Variants in IL1RAP observed in about 807,000 individuals in gnomAD.
IL1RAP encodes the protein interleukin 1 receptor accessory protein, also known as interleukin-1 receptor accessory protein.
A neutral mutation model predicts 60.7 loss-of-function variants in IL1RAP; 35 were observed. The ratio of observed to expected loss-of-function variants is 0.58; its 90% CI spans 0.44 to 0.76. The LOEUF (loss-of-function observed/expected upper bound fraction) is 0.76. IL1RAP is among the 30% of genes least tolerant of loss of function. IL1RAP has a pLI of 0.00. For missense variants in IL1RAP, 572 were observed against 693.9 expected, an observed-to-expected ratio of 0.82 and a Z score of 1.97; for synonymous variants, 268 against 250.9, an observed-to-expected ratio of 1.07 and a Z score of -0.64.
At chr3:190,523,739 G>T (rs182264994) in intron 1 of IL1RAP, among the ~76,000 whole-genome samples, 12 of 152,232 alleles carry the variant, frequency 7.9e-5, no homozygotes, top group Non-Finnish European at 1.6e-4. Flanking sequence ...CGGTGTATAT[G>T]TACCATATTT....
At chr3:190,564,478 C>T (rs1726194651) in intron 3 of IL1RAP, 125 bp downstream of exon 3, 1 of 704,136 alleles carries the variant, frequency 1.4e-6, no homozygotes, top group Admixed American at 2.1e-5. Flanking sequence ...TCTGCGGTAG[C>T]AAATAATCAT....
At chr3:190,609,245 C>A in intron 5 of IL1RAP, 64 bp downstream of exon 5, 1 of 1,141,002 alleles carries the variant, frequency 8.8e-7, no homozygotes, top group Non-Finnish European at 1.3e-6. Flanking sequence ...TGCTTATTTG[C>A]TGAGTTATAT....
intron 4 of IL1RAP, among the ~76,000 whole-genome samples, chr3:190,605,429 A>G (rs576021527): frequency 6.6e-6 from 1 of 152,230 alleles, no homozygotes; most frequent in East Asian, 1.9e-4. Flanking sequence ...TTATTTGGTT[A>G]CTTTTTACTC....
At chr3:190,555,530 C>A (rs1290012808) in intron 1 of IL1RAP, among the ~76,000 whole-genome samples, 1 of 152,168 alleles carries the variant, frequency 6.6e-6, no homozygotes, top group African/African-American at 2.4e-5. Context: ...TCAGGCATTG[C>A]ATTTAGTTCT....
chr3:190,587,694 T>C (rs1223397676), intron 3 of IL1RAP, among the ~76,000 whole-genome samples: 1 of 152,250 alleles, frequency 6.6e-6, no homozygotes, highest in East Asian at 1.9e-4. Context: ...GAGATGTTTG[T>C]CAACATGAAG....
chr3:190,609,211 C>T lies in IL1RAP; in HGVS notation c.537+30C>T, dbSNP rs752585826. On this transcript the variant is annotated intron_variant, in intron 5 of 11. Coordinates refer to ENST00000447382, the MANE Select transcript of IL1RAP (RefSeq NM_002182.4). ...GGAAAATTAGACTACATTTTATTCTCTCTAATGGCTTATAAAATGATAATG... is the reference window on the plus strand; with the variant it reads ...GGAAAATTAGACTACATTTTATTCTTTCTAATGGCTTATAAAATGATAATG... 16 of 1,426,928 alleles carry T rather than the reference C, an allele frequency of 1.1e-5. 1 individual carries two copies. The Admixed American group carries it at 2.9e-4, about 26-fold the overall frequency. The allele number at this position is 1,426,928 out of a possible 1,614,324, so 88.4% of individuals were successfully genotyped here. A position where few individuals can be genotyped will look rare whatever the true frequency, so the allele number is the denominator to read the frequency against.
intron 9 of IL1RAP, among the ~76,000 whole-genome samples, chr3:190,635,626 G>T (rs1466825841): frequency 3.3e-5 from 5 of 151,956 alleles, no homozygotes; most frequent in Non-Finnish European, 1.5e-5. Context: ...TTCAGTGTGT[G>T]TTTTTTAATT....
At chr3:190,604,582 A>G (rs1272067476) in intron 4 of IL1RAP, among the ~76,000 whole-genome samples, 169 bp downstream of exon 4, 1 of 152,130 alleles carries the variant, frequency 6.6e-6, no homozygotes, top group Non-Finnish European at 1.5e-5. Flanking sequence ...GTATGCAGAG[A>G]AATTGGTTGT....
intron 3 of IL1RAP, among the ~76,000 whole-genome samples, chr3:190,601,311 C>A (rs1360694724): frequency 6.6e-6 from 1 of 152,178 alleles, no homozygotes; most frequent in Non-Finnish European, 1.5e-5. Context: ...TTTATATAAA[C>A]TGAATAAGCG....
intron 3 of IL1RAP, among the ~76,000 whole-genome samples, chr3:190,564,964 A>G (rs1363190790): frequency 6.6e-6 from 1 of 152,106 alleles, no homozygotes. Context: ...ATCTTTTCAG[A>G]TCTCCTCTTC....
chr3:190,639,877 A>G (rs1733526960), intron 9 of IL1RAP, among the ~76,000 whole-genome samples: 1 of 152,190 alleles, frequency 6.6e-6, no homozygotes, highest in Admixed American at 6.5e-5. Flanking sequence ...TGAAGTCTCT[A>G]ATTAATACTG....
chr3:190,592,285 T>A (rs1172961225), intron 3 of IL1RAP, among the ~76,000 whole-genome samples: 1 of 152,202 alleles, frequency 6.6e-6, no homozygotes, highest in African/African-American at 2.4e-5. Context: ...CAGAATTCAT[T>A]ATGTGGGCTT....
intron 1 of IL1RAP, among the ~76,000 whole-genome samples, chr3:190,549,731 G>C (rs1334269334): frequency 2.6e-5 from 4 of 152,254 alleles, no homozygotes; most frequent in African/African-American, 9.6e-5. Context: ...AAGTCAACTG[G>C]TTTAAGGTTT....
intron 9 of IL1RAP, among the ~76,000 whole-genome samples, chr3:190,641,317 CA>C (rs1733648509): frequency 6.6e-6 from 1 of 152,114 alleles, no homozygotes; most frequent in African/African-American, 2.4e-5. Flanking sequence ...ATCTTTTTGT[CA>C]AAACACCTGA....
intron 3 of IL1RAP, among the ~76,000 whole-genome samples, chr3:190,570,465 GC>G (rs2108644837): frequency 6.6e-6 from 1 of 152,306 alleles, no homozygotes; most frequent in African/African-American, 2.4e-5. Flanking sequence ...GAAATAAATA[GC>G]ACTTTTCTGC....
In IL1RAP at chr3:190,617,412, A is replaced by G. The variant is rs150621492; in HGVS notation, c.538-2863A>G. Among the ~76,000 whole-genome samples the G allele has an allele frequency of 2.0e-3, 299 of 152,222 alleles. 2 individuals are homozygous for G. Among genetic ancestry groups the G allele is most frequent in the African/African-American group, 6.9e-3 (288 of 41,550 alleles). On this transcript the variant is annotated intron_variant, in intron 5 of 11. Transcript: ENST00000447382. ...TCATTTCTTGTGTTGTTCTTTACCTATATGTTGTGGTCGGTTGCCACAGCA... is the reference window on the plus strand; with the variant it reads ...TCATTTCTTGTGTTGTTCTTTACCTGTATGTTGTGGTCGGTTGCCACAGCA...
chr3:190,592,674 G>C (rs967393324), intron 3 of IL1RAP, among the ~76,000 whole-genome samples: 2 of 152,136 alleles, frequency 1.3e-5, no homozygotes, highest in Non-Finnish European at 2.9e-5. Flanking sequence ...AAACTGCTCG[G>C]AGGTGCTAAA....
intron 3 of IL1RAP, among the ~76,000 whole-genome samples, chr3:190,591,457 G>GT (rs1239505517): frequency 6.6e-6 from 1 of 152,068 alleles, no homozygotes; most frequent in African/African-American, 2.4e-5. Flanking sequence ...TCTCAGACGT[G>GT]TTTTTTGTCC....
rs181976157 is a variant in IL1RAP at position 190,581,353 on chromosome 3, G to A, written c.64+17000G>A. 1.8e-4 allele frequency among the ~76,000 whole-genome samples: 27 copies of A among 152,306 alleles called. No individual in the cohort carries two copies. In the East Asian group the frequency reaches 4.6e-3, roughly 26 times the overall value. On this transcript the variant is annotated intron_variant, in intron 3 of 11. Coordinates refer to ENST00000447382, the MANE Select transcript of IL1RAP (RefSeq NM_002182.4). ...ATGAATCTAAAGTTTTCTGTAACCAGTAAAAGCAAATCAGGAAGCAGAAGC... is the reference window on the plus strand; with the variant it reads ...ATGAATCTAAAGTTTTCTGTAACCAATAAAAGCAAATCAGGAAGCAGAAGC...
Sources: allele counts gnomAD v4.1 joint callset (sites outside exome capture counted in the v4.1 genomes callset), GRCh38; gene constraint gnomAD v4.1.1; transcripts MANE v1.5; gene names NCBI Gene and HGNC (gene_info 2026-07-23, HGNC 2026-07-21).